ABCA13: variants seen among roughly 807,000 people sequenced by gnomAD.
The protein encoded by ABCA13 is ATP-binding cassette sub-family A member 13.
In ABCA13, 476 loss-of-function variants were observed where a neutral mutation model predicts 478.7. The observed-to-expected ratio is 0.99, with a 90% CI of 0.92 to 1.07. The LOEUF (loss-of-function observed/expected upper bound fraction) is 1.07. ABCA13 is among the 50% of genes least tolerant of loss of function. ABCA13 has a pLI of 0.00. For missense variants in ABCA13, 6,060 were observed against 5,910.6 expected, an observed-to-expected ratio of 1.03 and a Z score of -0.83; for synonymous variants, 2,252 against 2,158.9, an observed-to-expected ratio of 1.04 and a Z score of -1.20.
chr7:48,388,284 G>A (rs1815494873), intron 36 of ABCA13, among the ~76,000 whole-genome samples: 1 of 152,194 alleles, frequency 6.6e-6, no homozygotes, highest in Non-Finnish European at 1.5e-5. Flanking sequence ...ATGAATATGT[G>A]TAAGAAATAA....
chr7:48,558,454 G>A (rs368726278), intron 55 of ABCA13, among the ~76,000 whole-genome samples: 1 of 151,364 alleles, frequency 6.6e-6, no homozygotes, highest in African/African-American at 2.4e-5. Context: ...ACACCACCAC[G>A]CCTGGCTAAT....
chr7:48,418,874 C>T (rs748130404), intron 41 of ABCA13, among the ~76,000 whole-genome samples: 2 of 152,124 alleles, frequency 1.3e-5, no homozygotes, highest in Non-Finnish European at 2.9e-5. Context: ...TTAGTCCATT[C>T]TCACATTGCT....
chr7:48,629,444 G>A (rs532788087), intron 59 of ABCA13, among the ~76,000 whole-genome samples: 13 of 152,068 alleles, frequency 8.5e-5, no homozygotes, highest in East Asian at 1.9e-4. Flanking sequence ...CATAAAATGC[G>A]TGTGTGAGTG....
At chr7:48,633,440 G>C (rs1794340238) in intron 59 of ABCA13, among the ~76,000 whole-genome samples, 1 of 151,978 alleles carries the variant, frequency 6.6e-6, no homozygotes, top group Admixed American at 6.6e-5. Context: ...GGCATCCACA[G>C]ACTACTTTAC....
At chr7:48,478,027 G>A (rs1828329109) in intron 45 of ABCA13, among the ~76,000 whole-genome samples, 1 of 151,628 alleles carries the variant, frequency 6.6e-6, no homozygotes, top group African/African-American at 2.4e-5. Context: ...ATAAGTATGG[G>A]GGGTGGTGAA....
At chr7:48,304,131 G>A (rs1206617262) in intron 23 of ABCA13, among the ~76,000 whole-genome samples, 2 of 152,184 alleles carry the variant, frequency 1.3e-5, no homozygotes, top group African/African-American at 4.8e-5. Flanking sequence ...TTCAAGAATT[G>A]ACATTATTAT....
chr7:48,410,799 C>T, intron 40 of ABCA13, 122 bp downstream of exon 40: 4 of 1,366,918 alleles, frequency 2.9e-6, no homozygotes, highest in South Asian at 1.4e-5. Context: ...CAATGGCCCA[C>T]ATGCCAAAAT....
chr7:48,273,649 G>T lies in ABCA13; in HGVS notation c.3983G>T (p.Arg1328Ile). The T allele has an allele frequency of 6.2e-7, 1 of 1,607,074 alleles. No homozygotes were observed. Among genetic ancestry groups the T allele is most frequent in the South Asian group, 1.1e-5 (1 of 90,124 alleles). ...TTTGAAAATATCATCACTGAGCTAA[G>T]AGAAGCAATAGTATTTCTTAGAAAT... ...EKFENIITEL[R>I]EAIVFLRNVS... The change falls in exon 17 of 62, where the codon AGA becomes ATA. Residue 1328 changes from arginine (R) to isoleucine (I), a missense_variant. Transcript: ENST00000435803.
chr7:48,483,061 G>A lies in ABCA13; in HGVS notation c.13095-15G>A. 1 of 1,604,294 alleles carries A rather than the reference G, an allele frequency of 6.2e-7. No homozygotes were observed. The highest frequency in any genetic ancestry group is 8.5e-7 in the Non-Finnish European group (1 of 1,175,364). ...TCTGTGGTTGAAGCACTAACACAATGTTCATTGTTAACAGGCTTGGAGGTT... is the reference window on the plus strand; with the variant it reads ...TCTGTGGTTGAAGCACTAACACAATATTCATTGTTAACAGGCTTGGAGGTT... On this transcript the variant is annotated splice_polypyrimidine_tract_variant and intron_variant, in intron 46 of 61. Coordinates refer to ENST00000435803, the MANE Select transcript of ABCA13 (RefSeq NM_152701.5).
In ABCA13 at chr7:48,500,294, G is replaced by A. The variant is rs115518028; in HGVS notation, c.13292-6042G>A. Among the ~76,000 whole-genome samples, 202 of 152,290 alleles carry A rather than the reference G, an allele frequency of 1.3e-3. 2 individuals are homozygous for A. Among genetic ancestry groups the A allele is most frequent in the African/African-American group, 4.7e-3 (197 of 41,568 alleles). On this transcript the variant is annotated intron_variant, in intron 48 of 61. Coordinates refer to ENST00000435803, the MANE Select transcript of ABCA13 (RefSeq NM_152701.5). ...AAGGGGTATCATGGGAAGGTGCAGGGTAGTGTGAGGGTGAGCCCATGCCGT... is the reference window on the plus strand; with the variant it reads ...AAGGGGTATCATGGGAAGGTGCAGGATAGTGTGAGGGTGAGCCCATGCCGT...
chr7:48,534,195 TTGTC>T lies in ABCA13; in HGVS notation c.14354+5854_14354+5857del, dbSNP rs149311051. ...AGTGGCGAATTCTCTCAGCATTTGT[TTGTC>T]TGTAAAAGACTGTATCTTTCCTTCA... On this transcript the variant is annotated intron_variant, in intron 55 of 61. Transcript: ENST00000435803. 4.2e-3 allele frequency among the ~76,000 whole-genome samples: 645 copies of T among 152,296 alleles called. 19 individuals carry two copies. The East Asian group carries it at 0.089, about 21-fold the overall frequency.
intron 20 of ABCA13, among the ~76,000 whole-genome samples, chr7:48,293,196 C>CCCCG (rs1554419675): frequency 7.6e-6 from 1 of 131,754 alleles, no homozygotes; most frequent in East Asian, 2.8e-4. Flanking sequence ...TCTTCAGCCC[C>CCCCG]CCCCCCGCCA....
intron 45 of ABCA13, among the ~76,000 whole-genome samples, chr7:48,478,310 T>TATATATATATAA (rs1554531471): frequency 0.01 from 1,532 of 146,260 alleles, 26 homozygotes; most frequent in East Asian, 0.082. Flanking sequence ...TATATATATA[T>TATATATATATAA]AATCACACAC....
intron 57 of ABCA13, among the ~76,000 whole-genome samples, chr7:48,588,319 T>A (rs746417884): frequency 6.6e-6 from 1 of 152,256 alleles, no homozygotes; most frequent in Non-Finnish European, 1.5e-5. Context: ...ATTTTCAACA[T>A]GAGGCAGGAT....
In ABCA13 at chr7:48,389,025, T is replaced by G. The variant is rs115673799; in HGVS notation, c.11474-15T>G. ...TTTGAAGTCTTTTCACAATGAATTT[T>G]CATCTCTCTCACAGGGTCATCACTG... On this transcript the variant is annotated splice_polypyrimidine_tract_variant and intron_variant, in intron 36 of 61. Coordinates refer to ENST00000435803, the MANE Select transcript of ABCA13 (RefSeq NM_152701.5). 7.5e-6 allele frequency: 12 copies of G among 1,605,606 alleles called. No homozygotes were observed. In the African/African-American group the frequency reaches 1.6e-4, roughly 21 times the overall value.
intron 43 of ABCA13, among the ~76,000 whole-genome samples, chr7:48,456,888 C>T (rs1825735304): frequency 6.6e-6 from 1 of 151,908 alleles, no homozygotes; most frequent in Non-Finnish European, 1.5e-5. Flanking sequence ...CTTATTCTTA[C>T]CATCAGACAT....
rs528486030 is a variant in ABCA13 at position 48,349,380 on chromosome 7, T to C, written c.10205-1263T>C. On this transcript the variant is annotated intron_variant, in intron 29 of 61. Coordinates refer to ENST00000435803, the MANE Select transcript of ABCA13 (RefSeq NM_152701.5). ...GGAGCCCGACACTTCTTGATGTTGT[T>C]TGGCAGCTTACATGTTCTCATCCAT... 2.0e-5 allele frequency among the ~76,000 whole-genome samples: 3 copies of C among 152,316 alleles called. No homozygotes were observed. In the East Asian group the frequency reaches 5.8e-4, roughly 29 times the overall value.
intron 27 of ABCA13, among the ~76,000 whole-genome samples, chr7:48,334,617 G>A (rs1041966933): frequency 2.0e-5 from 3 of 152,180 alleles, no homozygotes; most frequent in African/African-American, 7.2e-5. Flanking sequence ...TTACAGGCGT[G>A]AGCCAGCACG....
At chr7:48,211,614 T>A (rs1029518868) in intron 3 of ABCA13, among the ~76,000 whole-genome samples, 1 of 152,098 alleles carries the variant, frequency 6.6e-6, no homozygotes, top group Admixed American at 6.5e-5. Context: ...CCAAGGCCCA[T>A]GGCCACTACT....
Sources: allele counts gnomAD v4.1 joint callset (sites outside exome capture counted in the v4.1 genomes callset), GRCh38; gene constraint gnomAD v4.1.1; transcripts MANE v1.5; gene names NCBI Gene and HGNC (gene_info 2026-07-23, HGNC 2026-07-21).